ABCF3: variants seen among roughly 807,000 people sequenced by gnomAD.
The protein encoded by ABCF3 is ATP-binding cassette sub-family F member 3.
In ABCF3, 62 loss-of-function variants were observed where a neutral mutation model predicts 94.3. The observed-to-expected ratio is 0.66, with a 90% CI of 0.54 to 0.81. The LOEUF is 0.81. Among genes scored for constraint, ABCF3 ranks in the 40% least tolerant of loss-of-function variants. ABCF3 has a pLI of 0.00. For missense variants in ABCF3, 843 were observed against 925.3 expected (o/e 0.91, Z 1.15); for synonymous variants, 355 against 361.1 (o/e 0.98, Z 0.19).
In ABCF3 at chr3:184,187,998, G is replaced by A. The variant is rs374459635; in HGVS notation, c.569+15G>A. On this transcript the variant is annotated intron_variant, in intron 6 of 20. Transcript: ENST00000429586. ...TTTGGCGATAGGTGAGGGAATAGTG[G>A]TGGCAGGGGTTGGCTTTCTTTTTCT... is the stretch of plus-strand genomic sequence containing the variant. 2 of 1,613,736 alleles carry A rather than the reference G, an allele frequency of 1.2e-6. No homozygotes were observed. The highest frequency in any genetic ancestry group is 2.7e-5 in the African/African-American group (2 of 74,938).
Position 184,191,188 on chromosome 3 carries a change from A to G in ABCF3, c.1502A>G (p.Tyr501Cys). The change falls in exon 16 of 21, where the codon TAC becomes TGC. Residue 501 changes from tyrosine to cysteine, a missense_variant. Tyr to Cys is a radical substitution (Grantham distance 194). Coordinates refer to ENST00000429586, the MANE Select transcript of ABCF3 (RefSeq NM_018358.3). ...CAGCTAGATGAGGTGGATTTCTACT[A>G]CGATCCGAAGCACGTCATCTTCAGT... Reference protein sequence around the residue: ...ILQLDEVDFYYDPKHVIFSRL... With the variant: ...ILQLDEVDFYCDPKHVIFSRL... 1 of 1,614,130 alleles carries G rather than the reference A, an allele frequency of 6.2e-7. No individual in the cohort carries two copies. The highest frequency in any genetic ancestry group is 8.5e-7 in the Non-Finnish European group (1 of 1,180,030).
Position 184,193,990 on chromosome 3 carries a change from A to C in ABCF3, c.*292A>C. 1 of 365,242 alleles carries C rather than the reference A, an allele frequency of 2.7e-6. No homozygotes were observed. 22.6% of individuals were successfully genotyped at this position (365,242 alleles called of 1,614,324 possible). On this transcript the variant is annotated 3_prime_UTR_variant, in exon 21 of 21. Transcript: ENST00000429586. This position sits in a 1 kb window ranked among gnomAD's most constrained non-coding sequence, Gnocchi z 5.2. The stretch of plus-strand genomic sequence containing the variant: ...CCCCAAGTGGCTGCTATGTAAATTA[A>C]ATCTCTCCCCGCGTCTCCTTTGCCT...
rs757346305 is a variant in ABCF3 at position 184,191,232 on chromosome 3, G to C, written c.1546G>C (p.Asp516His). ...CTTCAGTCGCCTCTCTGTGTCTGCT[G>C]ATCTCGAGTCTCGCATCTGTGTGGT... is the stretch of plus-strand genomic sequence containing the variant. ...VIFSRLSVSA[D>H]LESRICVVGE... The change falls in exon 16 of 21, where the codon GAT becomes CAT. Residue 516 changes from aspartate to histidine, a missense_variant. Coordinates refer to ENST00000429586, the MANE Select transcript of ABCF3 (RefSeq NM_018358.3). The C allele has an allele frequency of 6.2e-7, 1 of 1,614,198 alleles. No homozygotes were observed. The highest frequency in any genetic ancestry group is 8.5e-7 in the Non-Finnish European group (1 of 1,180,038).
chr3:184,189,812 T>A, intron 13 of ABCF3, 43 bp from the exon 14 acceptor site: 1 of 1,613,866 alleles, frequency 6.2e-7, no homozygotes, highest in Non-Finnish European at 8.5e-7. Context: ...GAGTGGGGGA[T>A]AGTGGGGGAA....
In ABCF3 at chr3:184,193,565, A is replaced by T; in HGVS notation, c.1997A>T (p.Asp666Val). ...GGTGGTGTGATTCTGGTGTCCCACG[A>T]TGAGCGCTTTATCAGGCTGGTGTGC... is the stretch of plus-strand genomic sequence containing the variant. ...FRGGVILVSHDERFIRLVCRE... is the reference protein window; with the variant it reads ...FRGGVILVSHVERFIRLVCRE... Residue 666 changes from aspartate (D) to valine (V), a missense_variant, in exon 21 of 21, where the codon GAT (aspartate) becomes GTT (valine). By Grantham distance (152) the Asp-to-Val change is radical. Transcript: ENST00000429586. This position sits in a 1 kb window ranked among gnomAD's most constrained non-coding sequence, Gnocchi z 5.2. 1 of 1,614,122 alleles carries T rather than the reference A, an allele frequency of 6.2e-7. No individual in the cohort carries two copies. The highest frequency in any genetic ancestry group is 2.2e-5 in the East Asian group (1 of 44,882).
Position 184,192,692 on chromosome 3 carries a change from C to G in ABCF3, c.1658+3C>G. The stretch of plus-strand genomic sequence containing the variant: ...CGGGGCATCAGACACGCTCACAGGT[C>G]AGGCCCACCCGCACCCCTGCCCCCA... On this transcript the variant is annotated splice_donor_region_variant and intron_variant, in intron 17 of 20. Coordinates refer to ENST00000429586, the MANE Select transcript of ABCF3 (RefSeq NM_018358.3). 6.2e-7 allele frequency: 1 copy of G among 1,610,082 alleles called. No homozygotes were observed.
chr3:184,190,330 T>C (rs573275828), intron 14 of ABCF3: 78 of 225,986 alleles, frequency 3.5e-4, no homozygotes, highest in African/African-American at 1.7e-3. Context: ...ATTTTGTTTA[T>C]TGAGTCATGA....
At chr3:184,187,587 T>G (rs1189576548) in intron 4 of ABCF3, 77 bp from the exon 5 acceptor site, 27 of 1,573,262 alleles carry the variant, frequency 1.7e-5, no homozygotes, top group Non-Finnish European at 2.2e-5. Context: ...TTAAGAGGGT[T>G]TACTCGAGAT....
intron 16 of ABCF3, 145 bp downstream of exon 16, chr3:184,191,400 C>G (rs537915716): frequency 8.3e-7 from 1 of 1,207,546 alleles, no homozygotes. Context: ...GCAGGACTTA[C>G]ACTAGCCCTG....
chr3:184,188,101 T>C, intron 6 of ABCF3, 40 bp from the exon 7 acceptor site: 1 of 1,610,588 alleles, frequency 6.2e-7, no homozygotes, highest in South Asian at 1.1e-5. Context: ...TGTGCACCTA[T>C]TTCTAGAGCA....
At position 184,187,449 on chromosome 3, in the gene ABCF3, G is replaced by A. The variant is rs751527230; in HGVS notation, c.348+6G>A. 2 of 1,613,136 alleles carry A rather than the reference G, an allele frequency of 1.2e-6. No homozygotes were observed. The highest frequency in any genetic ancestry group is 1.7e-6 in the Non-Finnish European group (2 of 1,179,912). On this transcript the variant is annotated splice_donor_region_variant and intron_variant, in intron 4 of 20. Coordinates refer to ENST00000429586, the MANE Select transcript of ABCF3 (RefSeq NM_018358.3). ...TAAAGAGGGAACAGTCCTCGGTGAG[G>A]AGGAGGAAGCAAGGGAGGGGACTGT...
intron 16 of ABCF3, among the ~76,000 whole-genome samples, 175 bp downstream of exon 16, chr3:184,191,430 T>C (rs1716017934): frequency 6.6e-6 from 1 of 152,216 alleles, no homozygotes; most frequent in South Asian, 2.1e-4. Flanking sequence ...CGCACAGCGC[T>C]GCTCTTCAGG....
chr3:184,189,769 G>A lies in ABCF3; in HGVS notation c.1314+12G>A, dbSNP rs1289130571. The A allele has an allele frequency of 6.2e-7, 1 of 1,613,822 alleles. No individual in the cohort carries two copies. Among genetic ancestry groups the A allele is most frequent in the Non-Finnish European group, 8.5e-7 (1 of 1,180,000 alleles). On this transcript the variant is annotated intron_variant, in intron 13 of 20. Transcript: ENST00000429586. ...GCCAGCACATCCAGGTGTGGGGCCT[G>A]GCAGGGCTGGGGGTCCCATCCCAGG...
intron 14 of ABCF3, chr3:184,190,290 G>T (rs1377401250): frequency 2.4e-5 from 7 of 296,772 alleles, no homozygotes; most frequent in South Asian, 1.8e-4. Flanking sequence ...TTTCGTGGCT[G>T]GATAATATTC....
At chr3:184,187,559 C>G in intron 4 of ABCF3, 105 bp from the exon 5 acceptor site, 1 of 1,537,754 alleles carries the variant, frequency 6.5e-7, no homozygotes, top group Non-Finnish European at 9.0e-7. Context: ...GCCTTTGAGT[C>G]TGTTCATCAT....
rs765039315 is a variant in ABCF3, at chr3:184,191,149, C to T, written c.1463C>T (p.Ser488Leu). Residue 488 changes from serine to leucine, a missense_variant, in exon 16 of 21, where the codon TCG (serine) becomes TTG (leucine). Coordinates refer to ENST00000429586, the MANE Select transcript of ABCF3 (RefSeq NM_018358.3). ...MKFPDGFEKF[S>L]PPILQLDEVD... ...TTCCCTGATGGGTTTGAGAAGTTCT[C>T]GCCGCCAATTCTGCAGCTAGATGAG... 45 of 1,614,058 alleles carry T rather than the reference C, an allele frequency of 2.8e-5. No individual in the cohort carries two copies. In the East Asian group the frequency reaches 5.1e-4, roughly 18 times the overall value.
chr3:184,189,957 C>T, intron 14 of ABCF3, 26 bp downstream of exon 14: 1 of 1,612,090 alleles, frequency 6.2e-7, no homozygotes, highest in Non-Finnish European at 8.5e-7. Context: ...TTGGCCAGGG[C>T]CTGACTCCTG....
chr3:184,186,905 C>G lies in ABCF3; in HGVS notation c.301+30C>G, dbSNP rs760152065. On this transcript the variant is annotated intron_variant, in intron 3 of 20. Transcript: ENST00000429586. ...GAGTGAGGGGAGGTTGAACTAACTG[C>G]CCCCCTGTGCTTTTCTCCGCCCCCA... The G allele has an allele frequency of 3.1e-6, 5 of 1,597,798 alleles. No homozygotes were observed. The South Asian group carries it at 4.5e-5, about 14-fold the overall frequency.
Position 184,186,883 on chromosome 3 carries a change from T to A in ABCF3, c.301+8T>A. 6.2e-7 allele frequency: 1 copy of A among 1,611,940 alleles called. No individual in the cohort carries two copies. Among genetic ancestry groups the A allele is most frequent in the Non-Finnish European group, 8.5e-7 (1 of 1,179,092 alleles). On this transcript the variant is annotated splice_region_variant and intron_variant, in intron 3 of 20. Coordinates refer to ENST00000429586, the MANE Select transcript of ABCF3 (RefSeq NM_018358.3). The stretch of plus-strand genomic sequence containing the variant: ...AGATAACGGAGAACTACGGTGAGAG[T>A]GAGGGGAGGTTGAACTAACTGCCCC...
Sources: gnomAD v4.1 joint callset for allele counts (sites outside exome capture counted in the v4.1 genomes callset) on GRCh38, gnomAD v4.1.1 for gene constraint, Gnocchi (gnomAD v3.1) non-coding constraint, MANE v1.5 for transcripts, NCBI Gene and HGNC (gene_info 2026-07-23, HGNC 2026-07-21) for gene names.